The following KYNU variants were observed in gnomAD, a reference collection of about 807,000 sequenced individuals.
The protein encoded by KYNU is L-kynurenine hydrolase.
Under a neutral mutation model 59.2 loss-of-function variants are expected in KYNU, and 54 were observed. The ratio of observed to expected loss-of-function variants is 0.91; its 90% CI spans 0.73 to 1.14. The LOEUF is 1.14. Ranked by LOEUF, KYNU falls within the 50% of genes most tolerant of loss-of-function variation. KYNU has a pLI of 0.00. For missense variants in KYNU, 567 were observed against 554.4 expected (o/e 1.02, Z -0.23); for synonymous variants, 177 against 192.0 (o/e 0.92, Z 0.65).
chr2:142,929,019 A>C (rs573621232), intron 4 of KYNU, among the ~76,000 whole-genome samples: 16 of 147,354 alleles, frequency 1.1e-4, no homozygotes, highest in East Asian at 3.9e-4. Context: ...AAAAAAAAAA[A>C]AAAAAACAAA....
chr2:142,907,254 C>A (rs895818155), intron 2 of KYNU, among the ~76,000 whole-genome samples: 5 of 152,144 alleles, frequency 3.3e-5, no homozygotes, highest in Non-Finnish European at 7.3e-5. Flanking sequence ...CTCACAGATT[C>A]CAAGGAATGG....
At chr2:142,947,386 A>T in intron 4 of KYNU, 1 of 685,690 alleles carries the variant, frequency 1.5e-6, no homozygotes, top group East Asian at 2.8e-5. Context: ...TTTAAAAAAT[A>T]GTTGAAGACA....
intron 10 of KYNU, among the ~76,000 whole-genome samples, chr2:143,026,142 A>G (rs1340014393): frequency 6.6e-6 from 1 of 152,216 alleles, no homozygotes. Context: ...GGCCATAGTT[A>G]AATATAAATG....
rs1295133067 is a variant in KYNU, at chr2:143,046,288, T to C, written c.*4116T>C. ...TGCATGAATATTGTATCAATGCAAT[T>C]ATACTGTATATATTCTGCTTTTGCA... On this transcript the variant is annotated 3_prime_UTR_variant, in exon 14 of 14. Transcript: ENST00000264170. The C allele has an allele frequency of 6.6e-6, 1 of 152,182 alleles. No homozygotes were observed. Among genetic ancestry groups the C allele is most frequent in the Non-Finnish European group, 1.5e-5 (1 of 68,044 alleles). 9.4% of individuals were successfully genotyped at this position (152,182 alleles called of 1,614,324 possible). A position where few individuals can be genotyped will look rare whatever the true frequency, so the allele number is the denominator to read the frequency against.
intron 2 of KYNU, among the ~76,000 whole-genome samples, chr2:142,913,072 T>C (rs937901855): frequency 6.6e-6 from 1 of 152,184 alleles, no homozygotes; most frequent in Admixed American, 6.5e-5. Flanking sequence ...TGACTGTGCA[T>C]ATTTGAATCC....
chr2:142,897,702 A>G (rs959021089), intron 2 of KYNU, among the ~76,000 whole-genome samples: 11 of 151,144 alleles, frequency 7.3e-5, no homozygotes, highest in Non-Finnish European at 1.2e-4. Flanking sequence ...ATTTTTGGTT[A>G]AAAAAAAATA....
chr2:142,909,754 A>T (rs1682418248), intron 2 of KYNU, among the ~76,000 whole-genome samples: 1 of 152,230 alleles, frequency 6.6e-6, no homozygotes, highest in Non-Finnish European at 1.5e-5. Context: ...ATAGTTCTGC[A>T]ATGAATCTAC....
intron 8 of KYNU, among the ~76,000 whole-genome samples, chr2:142,978,648 G>T (rs1684957602): frequency 6.6e-6 from 1 of 152,098 alleles, no homozygotes; most frequent in Non-Finnish European, 1.5e-5. Flanking sequence ...TGAACTCAAG[G>T]GCTGCAACCA....
chr2:142,880,152 G>A (rs1162023119), intron 1 of KYNU, among the ~76,000 whole-genome samples: 2 of 152,192 alleles, frequency 1.3e-5, no homozygotes, highest in African/African-American at 4.8e-5. Context: ...TAAATGAGAT[G>A]TCTATAAAGA....
intron 1 of KYNU, among the ~76,000 whole-genome samples, chr2:142,883,084 A>G (rs1002030764): frequency 6.7e-6 from 1 of 150,108 alleles, no homozygotes; most frequent in African/African-American, 2.5e-5. Context: ...AGTGGTTTTT[A>G]TTTAATGTAA....
chr2:142,879,208 C>T (rs935033729), intron 1 of KYNU, among the ~76,000 whole-genome samples: 1 of 152,000 alleles, frequency 6.6e-6, no homozygotes. Context: ...TAAATTGCAT[C>T]CTTAGAGTGA....
At position 142,959,148 on chromosome 2, in the gene KYNU, C is replaced by A. The variant is rs148359927; in HGVS notation, c.582+1433C>A. ...ACACTCACACACACACACACGTACT[C>A]TCTTAACATGGAGCAGAGTAATTGG... On this transcript the variant is annotated intron_variant, in intron 7 of 13. Transcript: ENST00000264170. Among the ~76,000 whole-genome samples the A allele has an allele frequency of 3.0e-3, 463 of 152,114 alleles. 2 individuals carry two copies. The highest frequency in any genetic ancestry group is 0.01 in the African/African-American group (416 of 41,530).
intron 12 of KYNU, among the ~76,000 whole-genome samples, chr2:143,035,708 C>G (rs374140165): frequency 1.3e-5 from 2 of 152,306 alleles, no homozygotes; most frequent in African/African-American, 4.8e-5. Context: ...CCTCCTGCCC[C>G]CACCTTCCAG....
intron 11 of KYNU, among the ~76,000 whole-genome samples, chr2:143,029,992 T>G (rs779265612): frequency 6.6e-6 from 1 of 152,230 alleles, no homozygotes; most frequent in Non-Finnish European, 1.5e-5. Flanking sequence ...GGAGGAAATT[T>G]GGGGCTTGGA....
In KYNU at chr2:142,960,698, G is replaced by T; in HGVS notation, c.657G>T (p.Leu219=). The T allele has an allele frequency of 6.2e-7, 1 of 1,613,826 alleles. No homozygotes were observed. Among genetic ancestry groups the T allele is most frequent in the South Asian group, 1.1e-5 (1 of 91,070 alleles). ...AAGGAGACTCAATTGCAGTGATCCT[G>T]TTCAGTGGGGTGCATTTTTACACTG... The part of the protein sequence containing the change: ...EKEGDSIAVI[L]FSGVHFYTGQ... Residue 219 remains leucine (L), a synonymous_variant, in exon 8 of 14, where the codon CTG becomes CTT. Transcript: ENST00000264170.
At chr2:142,924,918 C>T (rs946672111) in intron 3 of KYNU, among the ~76,000 whole-genome samples, 2 of 152,158 alleles carry the variant, frequency 1.3e-5, no homozygotes, top group African/African-American at 4.8e-5. Context: ...CATTTCACTA[C>T]CCCAGGCTAG....
chr2:142,901,718 G>A lies in KYNU; in HGVS notation c.169+16182G>A, dbSNP rs181748995. ...TTCCCTTTTTTTAATTCTAGTGCCC[G>A]AGTGAGGGCTATTAGTTCTGCCAGC... On this transcript the variant is annotated intron_variant, in intron 2 of 13. Transcript: ENST00000264170. Among the ~76,000 whole-genome samples the A allele has an allele frequency of 5.9e-5, 9 of 152,094 alleles. No individual in the cohort carries two copies. The East Asian group carries it at 1.2e-3, about 20-fold the overall frequency.
At chr2:142,972,813 TAGAGAG>T (rs66473877) in intron 8 of KYNU, among the ~76,000 whole-genome samples, 15 of 124,216 alleles carry the variant, frequency 1.2e-4, no homozygotes, top group East Asian at 4.9e-4. Context: ...TATATATATA[TAGAGAG>T]AGAGAGAGAG....
At chr2:142,964,641 GT>G (rs1558947958) in intron 8 of KYNU, 1 of 152,050 alleles carries the variant, frequency 6.6e-6, no homozygotes, top group African/African-American at 2.4e-5. Flanking sequence ...TCTTTTCCTG[GT>G]TTGATTGTAG....
Sources: allele counts gnomAD v4.1 joint callset (sites outside exome capture counted in the v4.1 genomes callset), GRCh38; gene constraint gnomAD v4.1.1; transcripts MANE v1.5; gene names NCBI Gene and HGNC (gene_info 2026-07-23, HGNC 2026-07-21).